FTCDNL1: variants seen among roughly 807,000 people sequenced by gnomAD.
The protein encoded by FTCDNL1 is formiminotransferase cyclodeaminase N-terminal like.
FTCDNL1 carries 11 observed loss-of-function variants against 5.9 expected under a neutral mutation model. The ratio of observed to expected loss-of-function variants is 1.87; its 90% CI spans 1.18 to 3.10. FTCDNL1 has a LOEUF of 3.10. Among genes scored for constraint, FTCDNL1 ranks in the 30% most tolerant of loss-of-function variants. The pLI, the probability that FTCDNL1 is intolerant of heterozygous loss-of-function variation, is 0.00. For synonymous variants in FTCDNL1, 58 were observed against 24.8 expected (o/e 2.34, Z -3.99); for missense variants, 115 against 65.5 (o/e 1.76, Z -2.61).
At chr2:199,732,229 A>G in the FTCDNL1 span, among the ~76,000 whole-genome samples, 3 of 152,254 alleles carry the variant, frequency 2.0e-5, no homozygotes, top group African/African-American at 7.2e-5. Context: ...ACTCTCTTTC[A>G]TGTTCTTCAC....
the FTCDNL1 span, among the ~76,000 whole-genome samples, chr2:199,717,987 A>C: frequency 1.1e-3 from 5 of 4,602 alleles, no homozygotes; most frequent in Admixed American, 4.8e-3. Context: ...CCAAAAAAAC[A>C]AAAAAAAAAA....
the FTCDNL1 span, among the ~76,000 whole-genome samples, chr2:199,690,702 C>T: frequency 1.6e-4 from 24 of 152,220 alleles, no homozygotes; most frequent in African/African-American, 1.7e-4. Context: ...AATTGAGCCC[C>T]GAGAAAGCTA....
At chr2:199,837,725 T>G (rs1252337641) in intron 3 of FTCDNL1, among the ~76,000 whole-genome samples, 2 of 152,192 alleles carry the variant, frequency 1.3e-5, no homozygotes, top group Non-Finnish European at 2.9e-5. Flanking sequence ...TTTTATATAT[T>G]TTTTTAAAAA....
the FTCDNL1 span, among the ~76,000 whole-genome samples, chr2:199,664,273 A>G: frequency 6.6e-6 from 1 of 152,182 alleles, no homozygotes; most frequent in African/African-American, 2.4e-5. Context: ...TAATTTTTAA[A>G]TGCGTATGTA....
At chr2:199,699,283 A>G in the FTCDNL1 span, among the ~76,000 whole-genome samples, 2 of 152,142 alleles carry the variant, frequency 1.3e-5, no homozygotes, top group Non-Finnish European at 2.9e-5. Flanking sequence ...CCTGGGCAAC[A>G]TGATGAAACT....
At chr2:199,666,306 T>C in the FTCDNL1 span, among the ~76,000 whole-genome samples, 2 of 152,278 alleles carry the variant, frequency 1.3e-5, no homozygotes, top group African/African-American at 4.8e-5. Flanking sequence ...GAAGATAATT[T>C]AGGACTGATA....
intron 3 of FTCDNL1, among the ~76,000 whole-genome samples, chr2:199,828,987 TC>T (rs1702200255): frequency 6.6e-6 from 1 of 152,210 alleles, no homozygotes; most frequent in African/African-American, 2.4e-5. Flanking sequence ...TTATGCTCTG[TC>T]CTTAGAGTAG....
At chr2:199,826,161 T>C (rs538121310) in intron 3 of FTCDNL1, among the ~76,000 whole-genome samples, 5 of 152,176 alleles carry the variant, frequency 3.3e-5, no homozygotes, top group African/African-American at 4.8e-5. Flanking sequence ...TAAGTTTATA[T>C]AGGCAGAATG....
At chr2:199,681,309 ACC>A in the FTCDNL1 span, among the ~76,000 whole-genome samples, 1 of 151,806 alleles carries the variant, frequency 6.6e-6, no homozygotes, top group Non-Finnish European at 1.5e-5. Context: ...CAAAAAAATT[ACC>A]CGGGTGTGGT....
At chr2:199,762,138 T>G (rs1056745891) in intron 3 of FTCDNL1, among the ~76,000 whole-genome samples, 1 of 152,210 alleles carries the variant, frequency 6.6e-6, no homozygotes, top group Non-Finnish European at 1.5e-5. Flanking sequence ...CCCAGCACTT[T>G]GGGAGGCCGA....
At chr2:199,749,076 G>A in the FTCDNL1 span, among the ~76,000 whole-genome samples, 20 of 152,198 alleles carry the variant, frequency 1.3e-4, no homozygotes, top group South Asian at 1.2e-3. Flanking sequence ...CTTTTCCTCC[G>A]TCTGAAGGGC....
chr2:199,843,414 G>C (rs557491450), intron 3 of FTCDNL1, among the ~76,000 whole-genome samples: 24 of 152,208 alleles, frequency 1.6e-4, no homozygotes, highest in Non-Finnish European at 2.6e-4. Context: ...CTTCATTTTT[G>C]TGTGGAACAT....
chr2:199,702,443 C>A, the FTCDNL1 span, among the ~76,000 whole-genome samples: 1 of 152,168 alleles, frequency 6.6e-6, no homozygotes, highest in African/African-American at 2.4e-5. Flanking sequence ...CAACTTTATT[C>A]CAAACCAGCG....
chr2:199,714,889 A>G, the FTCDNL1 span, among the ~76,000 whole-genome samples: 1 of 149,406 alleles, frequency 6.7e-6, no homozygotes, highest in African/African-American at 2.5e-5. Context: ...TGGGAAATGA[A>G]CAATGAGAAC....
chr2:199,839,208 G>A (rs1051026901), intron 3 of FTCDNL1, among the ~76,000 whole-genome samples: 1 of 152,146 alleles, frequency 6.6e-6, no homozygotes, highest in Non-Finnish European at 1.5e-5. Flanking sequence ...GGGACAAGGT[G>A]AGGGGAGATT....
the FTCDNL1 span, among the ~76,000 whole-genome samples, chr2:199,710,088 C>T: frequency 1.3e-5 from 2 of 152,024 alleles, no homozygotes; most frequent in Non-Finnish European, 2.9e-5. Flanking sequence ...ATTGAGTTGC[C>T]CAAAGTGCAT....
rs1360007946 is a variant in FTCDNL1, at chr2:199,850,931, G to T, written c.-199C>A. On this transcript the variant is annotated 5_prime_UTR_variant, in exon 1 of 5. In the 5' UTR this introduces an upstream ATG that the reference lacks. Coordinates refer to ENST00000420128, the MANE Select transcript of FTCDNL1 (RefSeq NM_001363886.2). ...CGAAGTGACTCCCGGCCTCCCCACA[G>T]GTCTCGCGGGACGCAGCAGCGGCGA... The T allele has an allele frequency of 6.6e-6, 1 of 152,216 alleles. No individual in the cohort carries two copies. Among genetic ancestry groups the T allele is most frequent in the Non-Finnish European group, 1.5e-5 (1 of 68,088 alleles). 9.4% of individuals were successfully genotyped at this position (152,216 alleles called of 1,614,324 possible). A position where few individuals can be genotyped will look rare whatever the true frequency, so the allele number is the denominator to read the frequency against.
chr2:199,819,526 TAA>T (rs761406357), intron 4 of FTCDNL1, 44 bp downstream of exon 4: 2,488 of 621,374 alleles, frequency 4.0e-3, no homozygotes, highest in South Asian at 5.6e-3. Context: ...ACCTCAAGTT[TAA>T]AAAAAAAAAA....
At chr2:199,789,698 C>T (rs1262684000) in intron 3 of FTCDNL1, among the ~76,000 whole-genome samples, 1 of 151,646 alleles carries the variant, frequency 6.6e-6, no homozygotes, top group Non-Finnish European at 1.5e-5. Flanking sequence ...GAATCCATGC[C>T]CAGGAAGCCC....
Sources: gnomAD v4.1 joint callset for allele counts (sites outside exome capture counted in the v4.1 genomes callset) on GRCh38, gnomAD v4.1.1 for gene constraint, MANE v1.5 for transcripts, NCBI Gene and HGNC (gene_info 2026-07-23, HGNC 2026-07-21) for gene names.